Variants in DDX54 observed in about 807,000 individuals in gnomAD.
DDX54 encodes the protein ATP-dependent RNA helicase DDX54.
In DDX54, 67 loss-of-function variants were observed where a neutral mutation model predicts 105.5. The observed-to-expected ratio is 0.64, with a 90% CI of 0.52 to 0.78. The LOEUF (loss-of-function observed/expected upper bound fraction) is 0.78. Ranked by LOEUF, DDX54 falls within the 30% of genes least tolerant of loss-of-function variation. The pLI, the probability that DDX54 is intolerant of heterozygous loss-of-function variation, is 0.00. For synonymous variants in DDX54, 514 were observed against 509.9 expected (o/e 1.01, Z -0.11); for missense variants, 1,206 against 1,230.5 (o/e 0.98, Z 0.30).
Position 113,163,373 on chromosome 12 carries a change from G to C in DDX54, c.1939-99C>G. On this transcript the variant is annotated intron_variant, in intron 15 of 19. Coordinates refer to ENST00000306014, the MANE Select transcript of DDX54 (RefSeq NM_024072.4). The surrounding 1 kb of genome is among the most constrained non-coding windows in gnomAD (Gnocchi z 5.9). ...CCAGCCTGGCCACAGTGAGGGGCCA[G>C]TGGCTTCTCGGGGACTTTCAAAGCT... The C allele has an allele frequency of 6.7e-7, 1 of 1,489,470 alleles. No individual in the cohort carries two copies. The highest frequency in any genetic ancestry group is 2.3e-5 in the Admixed American group (1 of 44,410). The allele number at this position is 1,489,470 out of a possible 1,614,324, so 92.3% of individuals were successfully genotyped here. A position where few individuals can be genotyped will look rare whatever the true frequency, so the allele number is the denominator to read the frequency against.
Position 113,177,049 on chromosome 12 carries a change from C to T in DDX54, c.656+3G>A. The T allele has an allele frequency of 6.2e-7, 1 of 1,614,140 alleles. No homozygotes were observed. The highest frequency in any genetic ancestry group is 8.5e-7 in the Non-Finnish European group (1 of 1,180,014). On this transcript the variant is annotated splice_donor_region_variant and intron_variant, in intron 6 of 19. Coordinates refer to ENST00000306014, the MANE Select transcript of DDX54 (RefSeq NM_024072.4). ...GGGAGTCATCCCCAATCCACAAACT[C>T]ACATGTCGGGATTTTCGTGCAGGGC... is the stretch of plus-strand genomic sequence containing the variant.
chr12:113,176,483 C>T (rs1291833644), intron 7 of DDX54, among the ~76,000 whole-genome samples: 2 of 152,182 alleles, frequency 1.3e-5, no homozygotes, highest in East Asian at 3.8e-4. Flanking sequence ...AGGAGAATCA[C>T]TAGAACCCGG....
At position 113,164,257 on chromosome 12, in the gene DDX54, C is replaced by A; in HGVS notation, c.1748G>T (p.Arg583Leu). 1 of 1,595,068 alleles carries A rather than the reference C, an allele frequency of 6.3e-7. No homozygotes were observed. The highest frequency in any genetic ancestry group is 1.1e-5 in the South Asian group (1 of 88,308). The change falls in exon 15 of 20, where the codon CGA becomes CTA. Residue 583 changes from arginine (R) to leucine (L), a missense_variant. Coordinates refer to ENST00000306014, the MANE Select transcript of DDX54 (RefSeq NM_024072.4). ...ATIFEINASS[R>L]DLCSQVMRAK... ...GCGCATCACCTGGCTGCACAGGTCT[C>A]GGCTGGAGGCGTTGATCTCAAAGAT...
chr12:113,157,737 G>A lies in DDX54; in HGVS notation c.*1140C>T. 7.2e-7 allele frequency: 1 copy of A among 1,380,890 alleles called. No individual in the cohort carries two copies. Among genetic ancestry groups the A allele is most frequent in the Non-Finnish European group, 1.0e-6 (1 of 995,240 alleles). 85.5% of individuals were successfully genotyped at this position (1,380,890 alleles called of 1,614,324 possible). A position where few individuals can be genotyped will look rare whatever the true frequency, so the allele number is the denominator to read the frequency against. On this transcript the variant is annotated 3_prime_UTR_variant, in exon 20 of 20. Coordinates refer to ENST00000306014, the MANE Select transcript of DDX54 (RefSeq NM_024072.4). The stretch of plus-strand genomic sequence containing the variant: ...CCCTGAGAGACCCTGAGATAGGAGG[G>A]CCCACATTTCCAATGGGGTGTGGAC...
chr12:113,166,724 A>T (rs914484972), intron 12 of DDX54, among the ~76,000 whole-genome samples: 5 of 152,100 alleles, frequency 3.3e-5, no homozygotes, highest in African/African-American at 1.2e-4. Context: ...AAAAACAAAA[A>T]CAAAAAACAA....
intron 13 of DDX54, 34 bp from the exon 14 acceptor site, chr12:113,165,751 G>A: frequency 6.2e-7 from 1 of 1,608,488 alleles, no homozygotes; most frequent in Non-Finnish European, 8.5e-7. Flanking sequence ...GAGGCTGTGG[G>A]TGGGGTCAGC....
At position 113,164,340 on chromosome 12, in the gene DDX54, C is replaced by T. The variant is rs1320851900; in HGVS notation, c.1720-55G>A. ...ACTGGCCTCCTACTCCTAACCCCAC[C>T]CTTACCACTTGGTGGGCTTCCTATG... On this transcript the variant is annotated intron_variant, in intron 14 of 19. Coordinates refer to ENST00000306014, the MANE Select transcript of DDX54 (RefSeq NM_024072.4). 4 of 1,507,822 alleles carry T rather than the reference C, an allele frequency of 2.7e-6. No homozygotes were observed. In the African/African-American group the frequency reaches 5.5e-5, roughly 21 times the overall value. 93.4% of individuals were successfully genotyped at this position (1,507,822 alleles called of 1,614,324 possible).
intron 5 of DDX54, chr12:113,178,281 A>C (rs1326250360): frequency 6.6e-6 from 1 of 152,240 alleles, no homozygotes; most frequent in Non-Finnish European, 1.5e-5. Flanking sequence ...GCCCACGATT[A>C]TGCATTTTAA....
At position 113,163,183 on chromosome 12, in the gene DDX54, T is replaced by A. The variant is rs768583435; in HGVS notation, c.2030A>T (p.Asp677Val). The change falls in exon 16 of 20, where the codon GAC becomes GTC. Residue 677 changes from aspartate (D) to valine (V), a missense_variant. Around this residue, in one of 3 missense-constraint regions of DDX54, gnomAD observed 961 missense variants for 1,019.1 expected, o/e 0.94. Coordinates refer to ENST00000306014, the MANE Select transcript of DDX54 (RefSeq NM_024072.4). This position sits in a 1 kb window ranked among gnomAD's most constrained non-coding sequence, Gnocchi z 5.9. ...KRRREEARQR[D>V]QEFYIPYRPK... ...CCGGTAGGGGATGTAGAATTCCTGGTCCCGCTGCCGGGCCTCCTCCCTCCG... is the reference window on the plus strand; with the variant it reads ...CCGGTAGGGGATGTAGAATTCCTGGACCCGCTGCCGGGCCTCCTCCCTCCG... The A allele has an allele frequency of 1.2e-6, 2 of 1,612,846 alleles. No individual in the cohort carries two copies. The highest frequency in any genetic ancestry group is 1.7e-6 in the Non-Finnish European group (2 of 1,179,988).
chr12:113,176,959 G>A (rs1249817469), intron 6 of DDX54, 24 bp from the exon 7 acceptor site: 1 of 1,614,054 alleles, frequency 6.2e-7, no homozygotes, highest in East Asian at 2.2e-5. Flanking sequence ...CACAGGCCAG[G>A]TGACCCCAGG....
At position 113,164,083 on chromosome 12, in the gene DDX54, G is replaced by GCCT. The variant is rs771160251; in HGVS notation, c.1919_1921dup (p.Glu640dup). The GCCT allele has an allele frequency of 2.7e-5, 42 of 1,548,298 alleles. No homozygotes were observed. Among genetic ancestry groups the GCCT allele is most frequent in the Middle Eastern group, 1.7e-4 (1 of 5,992 alleles). ...AACCTGTACCTCCACACTCTCTCCC[G>GCCT]CCTCCTCCTCCTCCTCCTTCTCAGG... On this transcript the variant is annotated inframe_insertion, in exon 15 of 20. Transcript: ENST00000306014.
intron 7 of DDX54, 128 bp from the exon 8 acceptor site, chr12:113,175,285 C>T: frequency 7.9e-7 from 1 of 1,267,784 alleles, no homozygotes; most frequent in East Asian, 2.5e-5. Context: ...TCAGCCCACT[C>T]ACACTTATCA....
chr12:113,176,954 G>T lies in DDX54; in HGVS notation c.657-19C>A. On this transcript the variant is annotated intron_variant, in intron 6 of 19. Coordinates refer to ENST00000306014, the MANE Select transcript of DDX54 (RefSeq NM_024072.4). Reference sequence around the variant, plus strand: ...AATAATTCTGGAAGAGGGTGCACAGGCCAGGTGACCCCAGGGCCAGGGCCA... The same window carrying T: ...AATAATTCTGGAAGAGGGTGCACAGTCCAGGTGACCCCAGGGCCAGGGCCA... The T allele has an allele frequency of 6.2e-7, 1 of 1,613,964 alleles. No individual in the cohort carries two copies.
chr12:113,168,862 G>A (rs997221661), intron 12 of DDX54, among the ~76,000 whole-genome samples: 3 of 152,092 alleles, frequency 2.0e-5, no homozygotes, highest in African/African-American at 4.8e-5. Context: ...CCCAGGATGC[G>A]GAGGTTGTGG....
At chr12:113,171,895 GCACCTAACC>G (rs1162947161) in intron 11 of DDX54, among the ~76,000 whole-genome samples, 4 of 152,110 alleles carry the variant, frequency 2.6e-5, no homozygotes, top group African/African-American at 9.7e-5. Flanking sequence ...CACACGCACG[GCACCTAACC>G]CACTAAACAT....
intron 10 of DDX54, 143 bp downstream of exon 10, chr12:113,174,497 A>G (rs1284227052): frequency 2.3e-6 from 3 of 1,279,452 alleles, no homozygotes; most frequent in Non-Finnish European, 3.1e-6. Flanking sequence ...AAAAAAATAA[A>G]AAATAAAAAT....
chr12:113,174,887 G>A lies in DDX54; in HGVS notation c.924C>T (p.Asn308=), dbSNP rs757139137. Residue 308 remains asparagine, a synonymous_variant, in exon 9 of 20, where the codon AAC becomes AAT. Coordinates refer to ENST00000306014, the MANE Select transcript of DDX54 (RefSeq NM_024072.4). ...GGTGCAGCCTCACCTTCAGCTGCTC[G>A]TTGAGCTTGGTATCCACGTCAAGCC... The part of the protein sequence containing the change: ...LIRLDVDTKL[N]EQLKTSFFLV... 2.5e-5 allele frequency: 41 copies of A among 1,613,942 alleles called. No individual in the cohort carries two copies. Among genetic ancestry groups the A allele is most frequent in the Admixed American group, 1.0e-4 (6 of 59,986 alleles).
rs536030725 is a variant in DDX54 at position 113,174,312 on chromosome 12, T to G, written c.1068+328A>C. ...GGGCAACCGAGTGAGAACCTGTCTT[T>G]ACAAAATATAAAAATAAGTAACAAG... On this transcript the variant is annotated intron_variant, in intron 10 of 19. Coordinates refer to ENST00000306014, the MANE Select transcript of DDX54 (RefSeq NM_024072.4). Among the ~76,000 whole-genome samples, 6 of 152,112 alleles carry G rather than the reference T, an allele frequency of 3.9e-5. No individual in the cohort carries two copies. In the South Asian group the frequency reaches 1.2e-3, roughly 32 times the overall value.
rs1396358161 is a variant in DDX54, at chr12:113,169,987, G to C, written c.1280-83C>G. ...AGTTCCACAGGCCAGACCCTGAGCAGGTGAGCCTGGCCAAGCCTCGAACCT... is the reference window on the plus strand; with the variant it reads ...AGTTCCACAGGCCAGACCCTGAGCACGTGAGCCTGGCCAAGCCTCGAACCT... On this transcript the variant is annotated intron_variant, in intron 11 of 19. Coordinates refer to ENST00000306014, the MANE Select transcript of DDX54 (RefSeq NM_024072.4). 6 of 1,553,120 alleles carry C rather than the reference G, an allele frequency of 3.9e-6. No individual in the cohort carries two copies. In the Admixed American group the frequency reaches 1.1e-4, roughly 29 times the overall value.
Sources: allele counts gnomAD v4.1 joint callset (sites outside exome capture counted in the v4.1 genomes callset), GRCh38; gene constraint gnomAD v4.1.1; regional missense constraint gnomAD v4.1.1; non-coding constraint Gnocchi (gnomAD v3.1); transcripts MANE v1.5; gene names NCBI Gene and HGNC (gene_info 2026-07-23, HGNC 2026-07-21).